Variants in LRSAM1 observed in about 807,000 individuals in gnomAD.
LRSAM1 encodes the protein E3 ubiquitin-protein ligase LRSAM1.
In LRSAM1, 96 loss-of-function variants were observed where a neutral mutation model predicts 118.1. That is an observed-to-expected ratio of 0.81 (90% CI 0.69 to 0.96). LRSAM1 has a LOEUF of 0.96. Ranked by LOEUF, LRSAM1 falls within the 40% of genes least tolerant of loss-of-function variation. The pLI, the probability that LRSAM1 is intolerant of heterozygous loss-of-function variation, is 0.00. For missense variants in LRSAM1, 804 were observed against 915.5 expected (o/e 0.88, Z 1.57); for synonymous variants, 322 against 364.2 (o/e 0.88, Z 1.32).
intron 8 of LRSAM1, 78 bp downstream of exon 8, chr9:127,461,335 G>C (rs546701859): frequency 1.5e-6 from 2 of 1,337,126 alleles, no homozygotes; most frequent in South Asian, 1.2e-5. Context: ...AGGCTGCCCC[G>C]CCCGGGAGCC....
chr9:127,459,225 T>TA (rs1453628110), intron 7 of LRSAM1, among the ~76,000 whole-genome samples, 154 bp downstream of exon 7: 5 of 150,964 alleles, frequency 3.3e-5, no homozygotes, highest in African/African-American at 9.7e-5. Context: ...GGGTTTTTTT[T>TA]TTTTTTTTTG....
Position 127,461,197 on chromosome 9 carries a change from C to T in LRSAM1, c.346C>T (p.Leu116=). The T allele has an allele frequency of 6.2e-7, 1 of 1,612,032 alleles. No individual in the cohort carries two copies. Among genetic ancestry groups the T allele is most frequent in the African/African-American group, 1.3e-5 (1 of 75,002 alleles). The stretch of plus-strand genomic sequence containing the variant: ...GGTCTTAAACGTGGAAAGGAATCAA[C>T]TGATGCAGCTCCCACGTTCCATTGG... ...LQVLNVERNQ[L]MQLPRSIGNL... Residue 116 remains leucine (L), a synonymous_variant, in exon 8 of 26, where the codon CTG becomes TTG. Coordinates refer to ENST00000300417, the MANE Select transcript of LRSAM1 (RefSeq NM_001005373.4).
chr9:127,457,509 A>G, intron 6 of LRSAM1, 116 bp downstream of exon 6: 1 of 938,226 alleles, frequency 1.1e-6, no homozygotes, highest in East Asian at 2.6e-5. Flanking sequence ...TCTACCAGTC[A>G]GTCTGGGATT....
At chr9:127,471,516 G>T (rs937285480) in intron 10 of LRSAM1, among the ~76,000 whole-genome samples, 13 of 150,072 alleles carry the variant, frequency 8.7e-5, no homozygotes, top group African/African-American at 3.2e-4. Context: ...GCTGGGCGCG[G>T]TGGCTCACGC....
In LRSAM1 at chr9:127,502,977, C is replaced by T; in HGVS notation, c.*78C>T. The T allele has an allele frequency of 6.5e-7, 1 of 1,536,020 alleles. No individual in the cohort carries two copies. Among genetic ancestry groups the T allele is most frequent in the Non-Finnish European group, 8.8e-7 (1 of 1,139,084 alleles). ...CCCCGGGCTCCTGCTCAGCCTTGTG[C>T]CAGCCAGACTCGTATGAGGCTCCCC... On this transcript the variant is annotated 3_prime_UTR_variant, in exon 26 of 26. Coordinates refer to ENST00000300417, the MANE Select transcript of LRSAM1 (RefSeq NM_001005373.4).
intron 17 of LRSAM1, among the ~76,000 whole-genome samples, chr9:127,487,130 G>A (rs1476161746): frequency 2.0e-5 from 3 of 149,094 alleles, no homozygotes; most frequent in Non-Finnish European, 4.4e-5. Flanking sequence ...GTTGCAGTGA[G>A]CCACGATCAC....
intron 11 of LRSAM1, among the ~76,000 whole-genome samples, chr9:127,474,271 T>G (rs1176668145): frequency 1.3e-5 from 2 of 151,628 alleles, no homozygotes; most frequent in Non-Finnish European, 2.9e-5. Context: ...TTTTTTTTTT[T>G]TTTTTCCTTT....
At chr9:127,488,715 T>C (rs1835821583) in intron 18 of LRSAM1, among the ~76,000 whole-genome samples, 1 of 151,804 alleles carries the variant, frequency 6.6e-6, no homozygotes, top group Non-Finnish European at 1.5e-5. Flanking sequence ...CACCTTTGCC[T>C]CCTGAGTAGC....
chr9:127,457,587 C>T (rs929873709), intron 6 of LRSAM1, among the ~76,000 whole-genome samples, 194 bp downstream of exon 6: 30 of 152,214 alleles, frequency 2.0e-4, no homozygotes, highest in Admixed American at 1.9e-3. Flanking sequence ...GATGACCAGC[C>T]ACAGGCCCTG....
At chr9:127,502,611 C>T (rs886932833) in intron 25 of LRSAM1, among the ~76,000 whole-genome samples, 163 bp from the exon 26 acceptor site, 10 of 149,584 alleles carry the variant, frequency 6.7e-5, no homozygotes, top group South Asian at 4.3e-4. Context: ...CACTTAAACC[C>T]GGGAGGCTGA....
chr9:127,479,298 G>T, intron 12 of LRSAM1, 85 bp from the exon 13 acceptor site: 2 of 1,596,886 alleles, frequency 1.3e-6, no homozygotes, highest in South Asian at 1.1e-5. Context: ...TGCCCTGTCA[G>T]TGTTGAGGGG....
chr9:127,455,347 AG>A (rs1834477163), intron 4 of LRSAM1, among the ~76,000 whole-genome samples: 2 of 69,882 alleles, frequency 2.9e-5, no homozygotes, highest in East Asian at 3.9e-4. Flanking sequence ...CAATGGGGAC[AG>A]GGTGGGTGGG....
Position 127,485,874 on chromosome 9 carries a change from G to A in LRSAM1, c.1259+39G>A, listed in dbSNP as rs897881880. ...GAGGAGTCCCAGGTGAGGGAGCTGG[G>A]GGAGCTGGCTCAGGGCCCAAGACCG... On this transcript the variant is annotated intron_variant, in intron 17 of 25. Coordinates refer to ENST00000300417, the MANE Select transcript of LRSAM1 (RefSeq NM_001005373.4). The A allele has an allele frequency of 1.3e-5, 20 of 1,598,194 alleles. 1 individual carries two copies. Among genetic ancestry groups the A allele is most frequent in the Non-Finnish European group, 2.6e-6 (3 of 1,166,366 alleles).
At chr9:127,487,784 T>A in intron 18 of LRSAM1, 21 bp downstream of exon 18, 1 of 1,606,366 alleles carries the variant, frequency 6.2e-7, no homozygotes, top group Non-Finnish European at 8.5e-7. Context: ...GCCCAGAGCC[T>A]GAGGGTGGGA....
chr9:127,479,726 A>C, intron 13 of LRSAM1, 113 bp from the exon 14 acceptor site: 1 of 1,471,582 alleles, frequency 6.8e-7, no homozygotes, highest in Non-Finnish European at 9.3e-7. Flanking sequence ...CGGAGGTCAC[A>C]CAAAAAGGAT....
chr9:127,495,532 A>G lies in LRSAM1; in HGVS notation c.1698+114A>G, dbSNP rs950107103. On this transcript the variant is annotated intron_variant, in intron 22 of 25. Transcript: ENST00000300417. ...TTGTTACTTTTCTGGTGACTCTAGC[A>G]TGCCAGATCCTGTGCCAAGCCCCAG... is the stretch of plus-strand genomic sequence containing the variant. The G allele has an allele frequency of 3.4e-6, 3 of 876,110 alleles. No individual in the cohort carries two copies. In the East Asian group the frequency reaches 7.9e-5, roughly 23 times the overall value. 54.3% of individuals were successfully genotyped at this position (876,110 alleles called of 1,614,324 possible).
At chr9:127,472,891 C>T (rs1835225241) in intron 10 of LRSAM1, among the ~76,000 whole-genome samples, 1 of 152,150 alleles carries the variant, frequency 6.6e-6, no homozygotes, top group Admixed American at 6.5e-5. Flanking sequence ...TTTGAACTGA[C>T]ACCTCTCTGT....
Position 127,479,515 on chromosome 9 carries a change from C to T in LRSAM1, c.903+10C>T. The T allele has an allele frequency of 6.2e-7, 1 of 1,613,454 alleles. No individual in the cohort carries two copies. ...TCAGACGGTCAAGGAGGTTTGTGAGCCGCCTGCTAGGGTCCAGCCTGGCTG... is the reference window on the plus strand; with the variant it reads ...TCAGACGGTCAAGGAGGTTTGTGAGTCGCCTGCTAGGGTCCAGCCTGGCTG... On this transcript the variant is annotated intron_variant, in intron 13 of 25. Coordinates refer to ENST00000300417, the MANE Select transcript of LRSAM1 (RefSeq NM_001005373.4).
chr9:127,475,255 C>A (rs1259706619), intron 11 of LRSAM1, among the ~76,000 whole-genome samples: 1 of 152,014 alleles, frequency 6.6e-6, no homozygotes, highest in Non-Finnish European at 1.5e-5. Context: ...TATTGGGAGG[C>A]CGAGGCTGGT....
Sources: gnomAD v4.1 joint callset for allele counts (sites outside exome capture counted in the v4.1 genomes callset) on GRCh38, gnomAD v4.1.1 for gene constraint, MANE v1.5 for transcripts, NCBI Gene and HGNC (gene_info 2026-07-23, HGNC 2026-07-21) for gene names.